The following PLCH2 variants were observed in gnomAD, a reference collection of about 807,000 sequenced individuals.
PLCH2 encodes phospholipase C eta 2.
Under a neutral mutation model 134.7 loss-of-function variants are expected in PLCH2, and 98 were observed. The observed-to-expected ratio is 0.73, with a 90% CI of 0.62 to 0.86. The LOEUF (loss-of-function observed/expected upper bound fraction) is 0.86, where lower values mean the gene tolerates loss of function less well. Among genes scored for constraint, PLCH2 ranks in the 40% least tolerant of loss-of-function variants. PLCH2 has a pLI of 0.00. For synonymous variants in PLCH2, 974 were observed against 827.5 expected (o/e 1.18, Z -3.04); for missense variants, 1,994 against 1,986.6 (o/e 1.00, Z -0.07).
rs752535960 is a variant in PLCH2 at position 2,478,630 on chromosome 1, G to A, written c.271+8G>A. The A allele has an allele frequency of 8.7e-6, 14 of 1,602,760 alleles. No homozygotes were observed. The South Asian group carries it at 1.6e-4, about 18-fold the overall frequency. On this transcript the variant is annotated splice_region_variant and intron_variant, in intron 2 of 21. Transcript: ENST00000378486. The stretch of plus-strand genomic sequence containing the variant: ...AGAACGAGAAGGCCAAGAGTGAGTG[G>A]GAGCCCTGGGGTGGGGACAAATCAG...
chr1:2,460,125 G>A (rs1260514531), intron 2 of PLCH2, among the ~76,000 whole-genome samples: 1 of 152,284 alleles, frequency 6.6e-6, no homozygotes. Flanking sequence ...GCTCTAGCCT[G>A]GCCTAAGGGA....
In PLCH2 at chr1:2,504,134, C is replaced by T. The variant is rs1046270867; in HGVS notation, c.3172C>T (p.Pro1058Ser). 2 of 1,522,016 alleles carry T rather than the reference C, an allele frequency of 1.3e-6. No homozygotes were observed. Among genetic ancestry groups the T allele is most frequent in the African/African-American group, 1.4e-5 (1 of 71,160 alleles). 94.3% of individuals were successfully genotyped at this position (1,522,016 alleles called of 1,614,324 possible). The change falls in exon 22 of 22, where the codon CCG (proline) becomes TCG (serine). Residue 1058 changes from proline (P) to serine (S), a missense_variant. Pro to Ser is a moderately conservative substitution (Grantham distance 74). Coordinates refer to ENST00000378486, the MANE Select transcript of PLCH2 (RefSeq NM_014638.4). Reference protein sequence around the residue: ...TEEPRDSRPRPCNGEGAGGAY... With the variant: ...TEEPRDSRPRSCNGEGAGGAY... ...GGAGCCCCGAGACAGCAGGCCTCGGCCGTGCAACGGCGAGGGCGCCGGCGG... is the reference window on the plus strand; with the variant it reads ...GGAGCCCCGAGACAGCAGGCCTCGGTCGTGCAACGGCGAGGGCGCCGGCGG...
intron 4 of PLCH2, among the ~76,000 whole-genome samples, chr1:2,480,553 T>G (rs1166396136): frequency 6.6e-6 from 1 of 151,756 alleles, no homozygotes; most frequent in Admixed American, 6.6e-5. Flanking sequence ...GGGGCTGCTC[T>G]GCCAGCTCTG....
chr1:2,434,682 A>G (rs1349553339), intron 2 of PLCH2, among the ~76,000 whole-genome samples: 1 of 152,220 alleles, frequency 6.6e-6, no homozygotes, highest in East Asian at 1.9e-4. Context: ...CACAGCCAGC[A>G]GAGGAGCCCC....
rs3122924 is a variant in PLCH2, at chr1:2,449,839, C to T, written c.115+19210C>T. Among the ~76,000 whole-genome samples the T allele has an allele frequency of 2.1e-3, 325 of 152,318 alleles. 2 individuals carry two copies. Among genetic ancestry groups the T allele is most frequent in the African/African-American group, 7.5e-3 (310 of 41,558 alleles). On this transcript the variant is annotated intron_variant, in intron 2 of 3. Transcript: ENST00000609981. ...GACAGTGGCTGCCCCAGCCTCGCCCCGTCCTGCCCCTGCTCCGTGACGCTC... is the reference window on the plus strand; with the variant it reads ...GACAGTGGCTGCCCCAGCCTCGCCCTGTCCTGCCCCTGCTCCGTGACGCTC...
At chr1:2,481,710 C>T (rs112790738) in intron 4 of PLCH2, among the ~76,000 whole-genome samples, 2,183 of 152,338 alleles carry the variant, frequency 0.014, 60 homozygotes, top group African/African-American at 0.049. Flanking sequence ...AGGTTACCGG[C>T]CTGGCACTCC....
rs779833344 is a variant in PLCH2 at position 2,504,940 on chromosome 1, G to A, written c.3978G>A (p.Glu1326=). The A allele has an allele frequency of 9.0e-6, 14 of 1,561,972 alleles. No individual in the cohort carries two copies. Among genetic ancestry groups the A allele is most frequent in the African/African-American group, 1.4e-5 (1 of 73,814 alleles). The change falls in exon 22 of 22, where the codon GAG becomes GAA. Residue 1326 remains glutamate, a synonymous_variant. Transcript: ENST00000378486. ...TSPTSLGPAG[E]GVAGGPGFVR... is the part of the protein sequence containing the mutation. ...CCACCAGCCTGGGCCCGGCTGGGGA[G>A]GGGGTGGCAGGGGGCCCTGGTTTTG... is the stretch of plus-strand genomic sequence containing the variant.
upstream of PLCH2, among the ~76,000 whole-genome samples, chr1:2,473,525 G>C (rs1348361771): frequency 2.0e-5 from 3 of 152,226 alleles, no homozygotes; most frequent in Non-Finnish European, 4.4e-5. Context: ...ACCCTTGAGA[G>C]CTGGACCCTG....
the PLCH2 span, among the ~76,000 whole-genome samples, chr1:2,419,564 G>T: frequency 6.6e-6 from 1 of 152,146 alleles, no homozygotes. Flanking sequence ...ATGTGAGGCC[G>T]GTGAGGGCGG....
chr1:2,418,934 G>A, the PLCH2 span, among the ~76,000 whole-genome samples: 1 of 152,220 alleles, frequency 6.6e-6, no homozygotes, highest in Admixed American at 6.5e-5. Context: ...TATTGGGGTT[G>A]CAGCCAAGTA....
At chr1:2,482,735 GC>G (rs1642041716) in intron 4 of PLCH2, among the ~76,000 whole-genome samples, 1 of 152,160 alleles carries the variant, frequency 6.6e-6, no homozygotes, top group African/African-American at 2.4e-5. Flanking sequence ...ACCACCCCTG[GC>G]CACCCCAGAT....
the PLCH2 span, among the ~76,000 whole-genome samples, chr1:2,419,911 C>G: frequency 6.6e-6 from 1 of 152,052 alleles, no homozygotes; most frequent in South Asian, 2.1e-4. Context: ...GCTGCACCTG[C>G]TGCCCGTAGT....
rs973812288 is a variant in PLCH2, at chr1:2,498,402, CT to C, written c.2225-120del. On this transcript the variant is annotated intron_variant, in intron 16 of 21. Transcript: ENST00000378486. This position sits in a 1 kb window ranked among gnomAD's most constrained non-coding sequence, Gnocchi z 5.4. ...TGGACCACTGCCTCCCTCCCTCCCC[CT>C]GGCACCGGCTCCAGTCTCCTATGTG... 2.6e-5 allele frequency: 31 copies of C among 1,173,838 alleles called. No individual in the cohort carries two copies. In the African/African-American group the frequency reaches 3.7e-4, roughly 14 times the overall value. 72.7% of individuals were successfully genotyped at this position (1,173,838 alleles called of 1,614,324 possible). A position where few individuals can be genotyped will look rare whatever the true frequency, so the allele number is the denominator to read the frequency against.
intron 2 of PLCH2, among the ~76,000 whole-genome samples, chr1:2,446,255 C>T (rs1557954139): frequency 6.6e-6 from 1 of 152,372 alleles, no homozygotes; most frequent in East Asian, 1.9e-4. Flanking sequence ...CCCACTGGGA[C>T]TCTTGTCTCC....
In PLCH2 at chr1:2,457,795, C is replaced by T. The variant is rs72644628; in HGVS notation, c.116-20681C>T. ...CATGAACCATCCCGGTCCCAGGAGG[C>T]GCGTGCTGGGAGCGGCTCCCAGCCC... On this transcript the variant is annotated intron_variant, in intron 2 of 3. Coordinates refer to the PLCH2 transcript ENST00000609981. 8.9e-3 allele frequency among the ~76,000 whole-genome samples: 1,348 copies of T among 151,252 alleles called. 11 individuals carry two copies. The highest frequency in any genetic ancestry group is 0.037 in the East Asian group (187 of 5,106).
chr1:2,437,654 CCT>C (rs1412986394), intron 2 of PLCH2, among the ~76,000 whole-genome samples: 1 of 152,204 alleles, frequency 6.6e-6, no homozygotes, highest in Non-Finnish European at 1.5e-5. Context: ...CTGCTCCCTG[CCT>C]CTCTCTCTAG....
intron 20 of PLCH2, chr1:2,501,908 A>G: frequency 2.0e-6 from 1 of 503,350 alleles, no homozygotes; most frequent in Non-Finnish European, 3.4e-6. Flanking sequence ...TGTAGCAGCT[A>G]CTGTCCCAGG....
In PLCH2 at chr1:2,504,766, C is replaced by G; in HGVS notation, c.3804C>G (p.Ser1268Arg). ...TCACTGCTGATGACTTTGCCCCTAG[C>G]TTTGAGGGCGGCTCCCGCAGACTGA... ...GDLTADDFAP[S>R]FEGGSRRLSH... is the part of the protein sequence containing the mutation. Residue 1268 changes from serine to arginine, a missense_variant, in exon 22 of 22, where the codon AGC (serine) becomes AGG (arginine). Ser to Arg is a moderately radical substitution (Grantham distance 110). Transcript: ENST00000378486. The G allele has an allele frequency of 6.2e-7, 1 of 1,612,444 alleles. No individual in the cohort carries two copies. The highest frequency in any genetic ancestry group is 8.5e-7 in the Non-Finnish European group (1 of 1,179,762).
At chr1:2,484,361 A>C in intron 4 of PLCH2, 87 bp from the exon 5 acceptor site, 1 of 1,344,040 alleles carries the variant, frequency 7.4e-7, no homozygotes, top group Non-Finnish European at 1.0e-6. Flanking sequence ...GTTGGTCTTG[A>C]CTGGGGAGTG....
Sources: allele counts gnomAD v4.1 joint callset (sites outside exome capture counted in the v4.1 genomes callset), GRCh38; gene constraint gnomAD v4.1.1; non-coding constraint Gnocchi (gnomAD v3.1); transcripts MANE v1.5; gene names NCBI Gene and HGNC (gene_info 2026-07-23, HGNC 2026-07-21).